TTC28: variants seen among roughly 807,000 people sequenced by gnomAD.
TTC28 encodes tetratricopeptide repeat protein 28.
In TTC28, 61 loss-of-function variants were observed where a neutral mutation model predicts 198.0. That is an observed-to-expected ratio of 0.31 (90% CI 0.25 to 0.38). TTC28 has a LOEUF of 0.38. TTC28 is among the 10% of genes least tolerant of loss of function. The probability of loss-of-function intolerance (pLI) is 1.00; values close to 1 mark genes in which losing one functional copy is unlikely to be tolerated. For synonymous variants in TTC28, 1,171 were observed against 1,297.8 expected, an observed-to-expected ratio of 0.90 and a Z score of 2.10; for missense variants, 2,678 against 3,164.0, an observed-to-expected ratio of 0.85 and a Z score of 3.69.
intron 2 of TTC28, among the ~76,000 whole-genome samples, chr22:28,581,357 G>A (rs781492703): frequency 2.0e-5 from 3 of 152,096 alleles, no homozygotes; most frequent in South Asian, 2.1e-4. Flanking sequence ...ATTACCCAGC[G>A]TTAGGTATTT....
intron 5 of TTC28, among the ~76,000 whole-genome samples, chr22:28,199,386 TATATA>T (rs1925688207): frequency 2.4e-4 from 1 of 4,238 alleles, no homozygotes; most frequent in African/African-American, 7.1e-4. Flanking sequence ...TTAAAAATTA[TATATA>T]TATATATATA....
intron 6 of TTC28, among the ~76,000 whole-genome samples, chr22:28,115,984 TGTA>T (rs1464442954): frequency 6.6e-6 from 1 of 152,212 alleles, no homozygotes; most frequent in South Asian, 2.1e-4. Context: ...GGAAATAAAA[TGTA>T]GTATTTTTGT....
chr22:28,516,291 G>T (rs1297067907), intron 2 of TTC28, among the ~76,000 whole-genome samples: 1 of 152,102 alleles, frequency 6.6e-6, no homozygotes, highest in Admixed American at 6.6e-5. Context: ...ACATTGTGAT[G>T]CTTCTTAAGA....
At chr22:28,673,070 G>A (rs181875044) in intron 1 of TTC28, among the ~76,000 whole-genome samples, 1 of 152,242 alleles carries the variant, frequency 6.6e-6, no homozygotes, top group East Asian at 1.9e-4. Flanking sequence ...TTGTGGTTTT[G>A]CAGGAGTTAA....
Position 28,242,909 on chromosome 22 carries a change from T to C in TTC28, c.933+53289A>G, listed in dbSNP as rs543615599. Among the ~76,000 whole-genome samples, 5 of 151,896 alleles carry C rather than the reference T, an allele frequency of 3.3e-5. No homozygotes were observed. In the East Asian group the frequency reaches 5.8e-4, roughly 18 times the overall value. On this transcript the variant is annotated intron_variant, in intron 5 of 22. Transcript: ENST00000397906. Reference sequence around the variant, plus strand: ...CTGATACACTGTCTCTCAAAGTATGTAGAATGGTGCTGATGTGCAAACTAT... The same window carrying C: ...CTGATACACTGTCTCTCAAAGTATGCAGAATGGTGCTGATGTGCAAACTAT...
intron 5 of TTC28, among the ~76,000 whole-genome samples, chr22:28,282,767 C>T (rs2044609401): frequency 1.3e-5 from 2 of 151,890 alleles, no homozygotes; most frequent in Non-Finnish European, 2.9e-5. Flanking sequence ...GAAGAGACTA[C>T]AAAATGTTAT....
At chr22:28,531,138 A>G (rs1244592012) in intron 2 of TTC28, among the ~76,000 whole-genome samples, 2 of 152,220 alleles carry the variant, frequency 1.3e-5, no homozygotes, top group Non-Finnish European at 2.9e-5. Flanking sequence ...GTCAAGACCC[A>G]TCAGTGTGCT....
intron 14 of TTC28, among the ~76,000 whole-genome samples, chr22:28,002,943 C>G (rs561959595): frequency 4.6e-5 from 7 of 152,164 alleles, no homozygotes; most frequent in Non-Finnish European, 1.0e-4. Flanking sequence ...AAGATTATAC[C>G]AGTGTACTCC....
rs1301883241 is a variant in TTC28 at position 27,978,062 on chromosome 22, G to C, written c.*4159C>G. On this transcript the variant is annotated 3_prime_UTR_variant, in exon 23 of 23. Transcript: ENST00000397906. ...TTAATAGACACTGAAAATCACAAAG[G>C]AGGAAGGCCAAGTGCCTTAGCAATC... is the stretch of plus-strand genomic sequence containing the variant. 1 of 152,198 alleles carries C rather than the reference G, an allele frequency of 6.6e-6. No individual in the cohort carries two copies. Among genetic ancestry groups the C allele is most frequent in the East Asian group, 1.9e-4 (1 of 5,202 alleles). The allele number at this position is 152,198 out of a possible 1,614,324, so 9.4% of individuals were successfully genotyped here. A position where few individuals can be genotyped will look rare whatever the true frequency, so the allele number is the denominator to read the frequency against.
intron 2 of TTC28, among the ~76,000 whole-genome samples, chr22:28,592,427 G>A (rs1308225617): frequency 6.6e-6 from 1 of 151,994 alleles, no homozygotes; most frequent in Non-Finnish European, 1.5e-5. Flanking sequence ...TAGATGGGAG[G>A]ATCACTTGAG....
In TTC28 at chr22:28,066,305, G is replaced by GTGT. The variant is rs1569117105; in HGVS notation, c.3932+27772_3932+27774dup. 1.5e-3 allele frequency among the ~76,000 whole-genome samples: 180 copies of GTGT among 118,410 alleles called. 3 individuals are homozygous for GTGT. In the South Asian group the frequency reaches 0.029, roughly 19 times the overall value. 77.7% of individuals were successfully genotyped at this position (118,410 alleles called of 152,430 possible). On this transcript the variant is annotated intron_variant, in intron 12 of 22. Coordinates refer to ENST00000397906, the MANE Select transcript of TTC28 (RefSeq NM_001145418.2). ...GTGTGTGTGTGTGTGTGTGTGTGTG[G>GTGT]TGTGTGTGTGTGTGTGTGCGCGCGC...
At chr22:28,262,373 A>C (rs1052932976) in intron 5 of TTC28, among the ~76,000 whole-genome samples, 1 of 152,174 alleles carries the variant, frequency 6.6e-6, no homozygotes, top group East Asian at 1.9e-4. Flanking sequence ...TATGCAAGCA[A>C]TAGTTCGGAG....
Position 28,456,870 on chromosome 22 carries a change from G to A in TTC28, c.382-150227C>T, listed in dbSNP as rs147815617. Among the ~76,000 whole-genome samples the A allele has an allele frequency of 7.2e-5, 11 of 152,224 alleles. No homozygotes were observed. The East Asian group carries it at 1.5e-3, about 21-fold the overall frequency. On this transcript the variant is annotated intron_variant, in intron 2 of 22. Transcript: ENST00000397906. ...ATTACAGGCATGTGCCACCGCACCC[G>A]GCCCATAAATTTTTAAAATATGTGT...
At chr22:28,299,777 A>C (rs1443042627) in intron 3 of TTC28, among the ~76,000 whole-genome samples, 1 of 152,208 alleles carries the variant, frequency 6.6e-6, no homozygotes, top group Non-Finnish European at 1.5e-5. Context: ...ACTTATCCCA[A>C]GTTGGAAAGC....
chr22:28,409,035 CT>C (rs1299768990), intron 2 of TTC28, among the ~76,000 whole-genome samples: 2 of 152,238 alleles, frequency 1.3e-5, no homozygotes, highest in Non-Finnish European at 2.9e-5. Context: ...CAATTTATGA[CT>C]CTTTTCGTTG....
intron 5 of TTC28, among the ~76,000 whole-genome samples, chr22:28,244,811 A>G (rs1929963146): frequency 6.6e-6 from 1 of 152,174 alleles, no homozygotes; most frequent in Admixed American, 6.6e-5. Context: ...CGTGCAAGCA[A>G]GAAGAAAATA....
chr22:28,263,028 G>A (rs1362492634), intron 5 of TTC28, among the ~76,000 whole-genome samples: 1 of 152,152 alleles, frequency 6.6e-6, no homozygotes, highest in Non-Finnish European at 1.5e-5. Context: ...CAAGAAGGCA[G>A]TCTGGAAGAA....
chr22:28,625,370 GAC>G (rs1569067944), intron 2 of TTC28, among the ~76,000 whole-genome samples: 1 of 152,128 alleles, frequency 6.6e-6, no homozygotes, highest in African/African-American at 2.4e-5. Context: ...AGGGTCACAT[GAC>G]ACAAAGTACA....
chr22:28,049,168 G>A (rs977748104), intron 12 of TTC28, among the ~76,000 whole-genome samples: 14 of 152,268 alleles, frequency 9.2e-5, no homozygotes, highest in Admixed American at 7.2e-4. Flanking sequence ...CTGGGTGGCC[G>A]TATAAGGACT....
Sources: allele counts gnomAD v4.1 joint callset (sites outside exome capture counted in the v4.1 genomes callset), GRCh38; gene constraint gnomAD v4.1.1; transcripts MANE v1.5; gene names NCBI Gene and HGNC (gene_info 2026-07-23, HGNC 2026-07-21).